The following CRTC1 variants were observed in gnomAD, a reference collection of about 807,000 sequenced individuals.
The protein encoded by CRTC1 is CREB regulated transcription coactivator 1, also known as CREB-regulated transcription coactivator 1.
In CRTC1, 18 loss-of-function variants were observed where a neutral mutation model predicts 66.1. The observed-to-expected ratio is 0.27, with a 90% CI of 0.19 to 0.40. CRTC1 has a LOEUF of 0.40. CRTC1 is among the 10% of genes least tolerant of loss of function. The probability of loss-of-function intolerance (pLI) is 1.00; values close to 1 mark genes in which losing one functional copy is unlikely to be tolerated. For missense variants in CRTC1, 669 were observed against 887.9 expected (o/e 0.75, Z 3.13); for synonymous variants, 416 against 398.8 (o/e 1.04, Z -0.51).
chr19:18,689,193 C>T lies in CRTC1; in HGVS notation c.126+5365C>T, dbSNP rs183112468. 1.3e-3 allele frequency among the ~76,000 whole-genome samples: 197 copies of T among 151,972 alleles called. 1 individual carries two copies. The highest frequency in any genetic ancestry group is 4.5e-3 in the African/African-American group (185 of 41,448). On this transcript the variant is annotated intron_variant, in intron 1 of 13. Transcript: ENST00000321949. ...AACTCCTGACCTCAAGTGATTCACC[C>T]GCCTTGGCCTCCCAAAGTGCTGCGA...
chr19:18,691,102 C>T (rs1478516279), intron 1 of CRTC1, among the ~76,000 whole-genome samples: 3 of 148,918 alleles, frequency 2.0e-5, no homozygotes, highest in South Asian at 2.1e-4. Context: ...TTTCAGAGGC[C>T]GAGGCAGGAG....
At chr19:18,712,267 G>C (rs1351186080) in intron 1 of CRTC1, among the ~76,000 whole-genome samples, 1 of 149,496 alleles carries the variant, frequency 6.7e-6, no homozygotes, top group Admixed American at 6.7e-5. Context: ...TTGTTTGTTT[G>C]TTTGTTTTTG....
At chr19:18,746,015 G>A (rs1048529356) in intron 3 of CRTC1, 55 bp downstream of exon 3, 5 of 1,554,300 alleles carry the variant, frequency 3.2e-6, no homozygotes, top group Non-Finnish European at 4.4e-6. Flanking sequence ...GGTGCCGGCA[G>A]GACCCCAAGT....
chr19:18,684,751 G>A (rs573438042), intron 1 of CRTC1, among the ~76,000 whole-genome samples: 5 of 152,290 alleles, frequency 3.3e-5, no homozygotes, highest in Non-Finnish European at 1.5e-5. Flanking sequence ...GGCAGGCCAG[G>A]TTCTGCCAGG....
At chr19:18,755,865 G>A (rs889517983) in intron 6 of CRTC1, among the ~76,000 whole-genome samples, 3 of 151,946 alleles carry the variant, frequency 2.0e-5, no homozygotes, top group Admixed American at 6.6e-5. Flanking sequence ...GCCTCCCAAA[G>A]TGCTGAGATT....
chr19:18,711,749 G>A (rs531325431), intron 1 of CRTC1, among the ~76,000 whole-genome samples: 1 of 152,228 alleles, frequency 6.6e-6, no homozygotes, highest in African/African-American at 2.4e-5. Flanking sequence ...GAAGCTTGAT[G>A]CCAAGGGTCT....
intron 1 of CRTC1, among the ~76,000 whole-genome samples, chr19:18,721,275 G>T (rs1318919352): frequency 6.7e-6 from 1 of 148,282 alleles, no homozygotes; most frequent in Non-Finnish European, 1.5e-5. Flanking sequence ...CTCACTGCAA[G>T]CTCCGCCTCC....
At chr19:18,765,817 T>C (rs2054720357) in intron 9 of CRTC1, among the ~76,000 whole-genome samples, 1 of 151,926 alleles carries the variant, frequency 6.6e-6, no homozygotes, top group African/African-American at 2.4e-5. Context: ...AAAAATTAGC[T>C]GGGCATGGTG....
rs150221337 is a variant in CRTC1 at position 18,759,583 on chromosome 19, C to G, written c.657C>G (p.Pro219=). Reference sequence around the variant, plus strand: ...CCAGGCCCAAGTCCTGTGAGGTCCCCGGAATCAAGTAAGTCTCCACAGGGC... The same window carrying G: ...CCAGGCCCAAGTCCTGTGAGGTCCCGGGAATCAAGTAAGTCTCCACAGGGC... ...TGSRPKSCEV[P]GINIFPSADQ... is the part of the protein sequence containing the mutation. The change falls in exon 7 of 14, where the codon CCC becomes CCG. Residue 219 remains proline, a synonymous_variant. Transcript: ENST00000321949. 6.2e-7 allele frequency: 1 copy of G among 1,612,894 alleles called. No homozygotes were observed. The highest frequency in any genetic ancestry group is 8.5e-7 in the Non-Finnish European group (1 of 1,179,632).
rs191629401 is a variant in CRTC1 at position 18,722,642 on chromosome 19, A to G, written c.127-20268A>G. ...TGGACATGATGTTCACATAACATGAAATTAAGCATTTTAGAGCATGCCGTG... is the reference window on the plus strand; with the variant it reads ...TGGACATGATGTTCACATAACATGAGATTAAGCATTTTAGAGCATGCCGTG... On this transcript the variant is annotated intron_variant, in intron 1 of 13. Transcript: ENST00000321949. 2.6e-5 allele frequency among the ~76,000 whole-genome samples: 4 copies of G among 152,322 alleles called. No homozygotes were observed. The East Asian group carries it at 7.7e-4, about 29-fold the overall frequency.
At position 18,775,638 on chromosome 19, in the gene CRTC1, C is replaced by T. The variant is rs2054970342; in HGVS notation, c.1513-3C>T. ...TCACAGCCTGGTGTGCCTCCCTTCC[C>T]AGCTGGAGCAGTTCAACATGATGGA... On this transcript the variant is annotated splice_region_variant and splice_polypyrimidine_tract_variant and intron_variant, in intron 12 of 13. Transcript: ENST00000321949. The T allele has an allele frequency of 1.3e-6, 2 of 1,572,680 alleles. No homozygotes were observed. The highest frequency in any genetic ancestry group is 1.4e-5 in the African/African-American group (1 of 73,800).
intron 1 of CRTC1, among the ~76,000 whole-genome samples, chr19:18,703,241 G>A (rs891555662): frequency 6.6e-6 from 1 of 152,144 alleles, no homozygotes; most frequent in African/African-American, 2.4e-5. Flanking sequence ...CACTGTGTTA[G>A]CCAGGATGGT....
chr19:18,753,271 G>A (rs569158728), intron 5 of CRTC1, among the ~76,000 whole-genome samples: 14 of 131,238 alleles, frequency 1.1e-4, no homozygotes, highest in African/African-American at 3.1e-4. Flanking sequence ...GCGAGACTCC[G>A]TCTCTAAATA....
rs1005812757 is a variant in CRTC1, at chr19:18,772,662, A to G, written c.1425+1116A>G. Among the ~76,000 whole-genome samples the G allele has an allele frequency of 2.0e-5, 3 of 152,188 alleles. No individual in the cohort carries two copies. The East Asian group carries it at 5.8e-4, about 29-fold the overall frequency. On this transcript the variant is annotated intron_variant, in intron 11 of 13. Coordinates refer to ENST00000321949, the MANE Select transcript of CRTC1 (RefSeq NM_015321.3). ...CCATCTCCAGCTCTCACACGTGTAT[A>G]GGGACATCTGCCCCATCAGCCAAGG...
intron 1 of CRTC1, among the ~76,000 whole-genome samples, chr19:18,711,685 C>T (rs1319907556): frequency 6.6e-6 from 1 of 152,080 alleles, no homozygotes; most frequent in Non-Finnish European, 1.5e-5. Context: ...GGGGTGGGTG[C>T]CGGGCAGTTC....
chr19:18,700,947 G>A (rs966471439), intron 1 of CRTC1, among the ~76,000 whole-genome samples: 2 of 152,244 alleles, frequency 1.3e-5, no homozygotes, highest in East Asian at 1.9e-4. Flanking sequence ...CGCTTCCATC[G>A]CTGCGGGGAT....
Position 18,777,503 on chromosome 19 carries a change from AGCG to A in CRTC1, c.*122_*124del, listed in dbSNP as rs1568546843. ...TGATTCTGAGCTTGCAATGCCGCCA[AGCG>A]CCCCCCGCCAGCCCGCCCCCGGTTG... is the stretch of plus-strand genomic sequence containing the variant. On this transcript the variant is annotated 3_prime_UTR_variant, in exon 14 of 14. Coordinates refer to ENST00000321949, the MANE Select transcript of CRTC1 (RefSeq NM_015321.3). This position sits in a 1 kb window ranked among gnomAD's most constrained non-coding sequence, Gnocchi z 5.5. The A allele has an allele frequency of 1.0e-6, 1 of 965,214 alleles. No individual in the cohort carries two copies. The highest frequency in any genetic ancestry group is 1.6e-5 in the African/African-American group (1 of 62,218). The allele number at this position is 965,214 out of a possible 1,614,324, so 59.8% of individuals were successfully genotyped here. A position where few individuals can be genotyped will look rare whatever the true frequency, so the allele number is the denominator to read the frequency against.
intron 1 of CRTC1, among the ~76,000 whole-genome samples, chr19:18,701,903 C>G (rs2053149437): frequency 6.7e-6 from 1 of 150,042 alleles, no homozygotes; most frequent in South Asian, 2.1e-4. Context: ...TAGGCATGAG[C>G]CACCGCGCCC....
Position 18,706,383 on chromosome 19 carries a change from T to C in CRTC1, c.126+22555T>C, listed in dbSNP as rs1486079142. Among the ~76,000 whole-genome samples, 5 of 150,728 alleles carry C rather than the reference T, an allele frequency of 3.3e-5. No homozygotes were observed. The East Asian group carries it at 9.7e-4, about 29-fold the overall frequency. On this transcript the variant is annotated intron_variant, in intron 1 of 13. Coordinates refer to ENST00000321949, the MANE Select transcript of CRTC1 (RefSeq NM_015321.3). Reference sequence around the variant, plus strand: ...ACCACACTCAGCTAATTTTTGTATTTTTAGTAGAGATGGGGTTTCACCATG... The same window carrying C: ...ACCACACTCAGCTAATTTTTGTATTCTTAGTAGAGATGGGGTTTCACCATG...
Sources: allele counts gnomAD v4.1 joint callset (sites outside exome capture counted in the v4.1 genomes callset), GRCh38; gene constraint gnomAD v4.1.1; non-coding constraint Gnocchi (gnomAD v3.1); transcripts MANE v1.5; gene names NCBI Gene and HGNC (gene_info 2026-07-23, HGNC 2026-07-21).